PLXNA4: variants seen among roughly 807,000 people sequenced by gnomAD.
PLXNA4 encodes plexin A4, also known as plexin-A4.
A neutral mutation model predicts 191.8 loss-of-function variants in PLXNA4; 44 were observed. The ratio of observed to expected loss-of-function variants is 0.23; its 90% CI spans 0.18 to 0.29. The LOEUF (loss-of-function observed/expected upper bound fraction) is 0.29. Ranked by LOEUF, PLXNA4 falls within the 10% of genes least tolerant of loss-of-function variation. The pLI is 1.00. For missense variants in PLXNA4, 1,800 were observed against 2,488.8 expected, an observed-to-expected ratio of 0.72 and a Z score of 5.89; for synonymous variants, 1,082 against 1,009.5, an observed-to-expected ratio of 1.07 and a Z score of -1.36.
intron 1 of PLXNA4, among the ~76,000 whole-genome samples, chr7:132,573,638 G>A (rs202176719): frequency 9.2e-5 from 14 of 151,552 alleles, no homozygotes; most frequent in African/African-American, 3.4e-4. Context: ...AGCAGCAGGC[G>A]ACAGGAAGGC....
intron 29 of PLXNA4, among the ~76,000 whole-genome samples, chr7:132,142,930 G>C (rs1303921827): frequency 1.3e-5 from 2 of 152,172 alleles, no homozygotes; most frequent in African/African-American, 4.8e-5. Flanking sequence ...AGCCAGTTTT[G>C]CTGACAGGCA....
intron 1 of PLXNA4, among the ~76,000 whole-genome samples, chr7:132,550,486 G>C (rs1483109762): frequency 6.6e-6 from 1 of 152,204 alleles, no homozygotes; most frequent in Non-Finnish European, 1.5e-5. Context: ...GCAATGAGAG[G>C]GAGGGGTCAG....
chr7:132,540,853 C>T (rs1800049273), intron 1 of PLXNA4, among the ~76,000 whole-genome samples: 1 of 151,948 alleles, frequency 6.6e-6, no homozygotes, highest in Admixed American at 6.6e-5. Context: ...TCCCAAAGTG[C>T]TGGGATTACA....
chr7:132,198,323 G>A (rs1418168386), intron 13 of PLXNA4, among the ~76,000 whole-genome samples, 162 bp downstream of exon 13: 1 of 152,186 alleles, frequency 6.6e-6, no homozygotes, highest in South Asian at 2.1e-4. Context: ...TGAGCAGGCG[G>A]GGAGTTGTGG....
intron 4 of PLXNA4, among the ~76,000 whole-genome samples, chr7:132,253,616 C>T (rs180845964): frequency 9.7e-4 from 148 of 152,264 alleles, no homozygotes; most frequent in African/African-American, 3.3e-3. Context: ...TGCTTGGTCT[C>T]TCCCTCTTGG....
At chr7:132,597,857 C>CCATATATATA (rs1802744031) in intron 2 of PLXNA4, among the ~76,000 whole-genome samples, 1 of 58,100 alleles carries the variant, frequency 1.7e-5, no homozygotes, top group Non-Finnish European at 5.2e-5. Flanking sequence ...CTCTCTCTCT[C>CCATATATATA]TCTATATATA....
chr7:132,413,040 A>T (rs1286926427), intron 3 of PLXNA4, among the ~76,000 whole-genome samples: 1 of 152,144 alleles, frequency 6.6e-6, no homozygotes, highest in African/African-American at 2.4e-5. Context: ...GAGAGAAGGA[A>T]GGAGGAAAAT....
chr7:132,492,376 A>G (rs1350916197), intron 2 of PLXNA4, among the ~76,000 whole-genome samples: 1 of 152,194 alleles, frequency 6.6e-6, no homozygotes, highest in Non-Finnish European at 1.5e-5. Flanking sequence ...GAGAGTATAC[A>G]TTTGGCTGGT....
At chr7:132,558,415 AC>A (rs1386939039) in intron 1 of PLXNA4, among the ~76,000 whole-genome samples, 1 of 152,232 alleles carries the variant, frequency 6.6e-6, no homozygotes, top group Non-Finnish European at 1.5e-5. Flanking sequence ...AAACAAGAGA[AC>A]TTCTATTACA....
At chr7:132,418,120 C>A (rs962412235) in intron 3 of PLXNA4, among the ~76,000 whole-genome samples, 3 of 152,200 alleles carry the variant, frequency 2.0e-5, no homozygotes, top group African/African-American at 7.2e-5. Context: ...CTAGACTCTT[C>A]TGCAGCTCTG....
intron 1 of PLXNA4, among the ~76,000 whole-genome samples, chr7:132,517,979 A>T (rs1799006997): frequency 6.6e-6 from 1 of 152,048 alleles, no homozygotes; most frequent in Admixed American, 6.5e-5. Flanking sequence ...TAAGGTCAGT[A>T]TTTTTTCATG....
intron 3 of PLXNA4, among the ~76,000 whole-genome samples, chr7:132,400,439 A>C (rs1793937289): frequency 6.6e-6 from 1 of 152,146 alleles, no homozygotes; most frequent in Non-Finnish European, 1.5e-5. Context: ...CTTAGGCCTC[A>C]AATTCCATAT....
chr7:132,331,604 C>G (rs1563040200), intron 3 of PLXNA4, among the ~76,000 whole-genome samples: 1 of 152,214 alleles, frequency 6.6e-6, no homozygotes. Flanking sequence ...TCCAAGTGAA[C>G]AGCTCACTCA....
At chr7:132,422,265 C>A (rs1413973079) in intron 3 of PLXNA4, among the ~76,000 whole-genome samples, 2 of 152,216 alleles carry the variant, frequency 1.3e-5, no homozygotes, top group East Asian at 1.9e-4. Context: ...GTGCCTTACC[C>A]AGACAGAACT....
intron 14 of PLXNA4, among the ~76,000 whole-genome samples, chr7:132,188,981 A>G (rs1174968032): frequency 0.03 from 1,677 of 56,444 alleles, 107 homozygotes; most frequent in East Asian, 0.24. Context: ...AAGGAAAGGA[A>G]AGGAAAGGAA....
chr7:132,201,611 C>T (rs1315975388), intron 12 of PLXNA4, among the ~76,000 whole-genome samples: 1 of 152,184 alleles, frequency 6.6e-6, no homozygotes, highest in Non-Finnish European at 1.5e-5. Flanking sequence ...AGGTATTGAG[C>T]ACCTACTGTG....
intron 3 of PLXNA4, among the ~76,000 whole-genome samples, chr7:132,299,667 G>A (rs766024556): frequency 2.0e-5 from 3 of 151,976 alleles, no homozygotes; most frequent in Admixed American, 6.6e-5. Flanking sequence ...CATTCATCAC[G>A]GCTCATGTGT....
At chr7:132,574,781 T>G (rs1417874523) in intron 1 of PLXNA4, among the ~76,000 whole-genome samples, 3 of 152,144 alleles carry the variant, frequency 2.0e-5, no homozygotes, top group Admixed American at 2.0e-4. Context: ...TGAAAAAAGT[T>G]TGGAAATAGC....
intron 29 of PLXNA4, among the ~76,000 whole-genome samples, chr7:132,142,390 T>C (rs905533037): frequency 1.3e-5 from 2 of 152,232 alleles, no homozygotes; most frequent in African/African-American, 2.4e-5. Context: ...AGTTAGAATA[T>C]TCATTATGTG....
Sources: allele counts gnomAD v4.1 joint callset (sites outside exome capture counted in the v4.1 genomes callset), GRCh38; gene constraint gnomAD v4.1.1; transcripts MANE v1.5; gene names NCBI Gene and HGNC (gene_info 2026-07-23, HGNC 2026-07-21).